RELA: variants seen among roughly 807,000 people sequenced by gnomAD.
RELA encodes transcription factor p65.
Under a neutral mutation model 56.7 loss-of-function variants are expected in RELA, and 14 were observed. That is an observed-to-expected ratio of 0.25 (90% CI 0.16 to 0.39). The LOEUF is 0.39. RELA is among the 10% of genes least tolerant of loss of function. The pLI is 1.00. For missense variants in RELA, 559 were observed against 736.4 expected (o/e 0.76, Z 2.79); for synonymous variants, 315 against 289.7 (o/e 1.09, Z -0.89).
At chr11:65,662,684 C>T in intron 1 of RELA, 142 bp downstream of exon 1, 1 of 596,348 alleles carries the variant, frequency 1.7e-6, no homozygotes, top group Non-Finnish European at 2.4e-6. Flanking sequence ...CCTGCCCCGC[C>T]CCGCGCCACC....
Position 65,661,758 on chromosome 11 carries a change from G to A in RELA, c.264C>T (p.His88=), listed in dbSNP as rs1226017832. The change falls in exon 4 of 11, where the codon CAC becomes CAT. Residue 88 remains histidine, a synonymous_variant. Transcript: ENST00000406246. ...CCCGGCAGTCCTTTCCTACAAGCTC[G>A]TGGGGGTGAGGCCGGTGAGGAGGGT... is the stretch of plus-strand genomic sequence containing the variant. ...TKDPPHRPHP[H]ELVGKDCRDG... The A allele has an allele frequency of 1.9e-5, 30 of 1,613,802 alleles. No homozygotes were observed. Among genetic ancestry groups the A allele is most frequent in the Non-Finnish European group, 2.4e-5 (28 of 1,179,944 alleles).
chr11:65,655,461 T>A, intron 10 of RELA: 2 of 592,692 alleles, frequency 3.4e-6, no homozygotes, highest in Non-Finnish European at 6.0e-6. Flanking sequence ...GATTCTGCAT[T>A]TTTAACTTCT....
At chr11:65,660,840 C>T (rs1856545649) in intron 4 of RELA, 1 of 152,606 alleles carries the variant, frequency 6.6e-6, no homozygotes, top group Admixed American at 6.6e-5. Context: ...AGATTGAGAC[C>T]ATCCTGGCTA....
Position 65,654,138 on chromosome 11 carries a change from G to C in RELA, c.*240C>G, listed in dbSNP as rs780251171. The C allele has an allele frequency of 7.7e-4, 451 of 585,590 alleles. 3 individuals carry two copies. Among genetic ancestry groups the C allele is most frequent in the Middle Eastern group, 1.4e-3 (3 of 2,114 alleles). The allele number at this position is 585,590 out of a possible 1,614,324, so 36.3% of individuals were successfully genotyped here. ...AGCTGACCATCAGGACAGGGGAAAAGTTTGAGTTTCCCCAGCTCCCCCCTT... is the reference window on the plus strand; with the variant it reads ...AGCTGACCATCAGGACAGGGGAAAACTTTGAGTTTCCCCAGCTCCCCCCTT... On this transcript the variant is annotated 3_prime_UTR_variant, in exon 11 of 11. Coordinates refer to ENST00000406246, the MANE Select transcript of RELA (RefSeq NM_021975.4).
chr11:65,661,848 C>T lies in RELA; in HGVS notation c.187-13G>A, dbSNP rs1387199873. 1 of 1,604,730 alleles carries T rather than the reference C, an allele frequency of 6.2e-7. No individual in the cohort carries two copies. The highest frequency in any genetic ancestry group is 8.5e-7 in the Non-Finnish European group (1 of 1,173,838). On this transcript the variant is annotated splice_polypyrimidine_tract_variant and intron_variant, in intron 3 of 10. Transcript: ENST00000406246. ...TGTAGCCATTGATCTGTCCAAAGTACAGAGGCCCAGACATCCAAACCTGAC... is the reference window on the plus strand; with the variant it reads ...TGTAGCCATTGATCTGTCCAAAGTATAGAGGCCCAGACATCCAAACCTGAC...
chr11:65,657,693 C>A (rs1856464698), intron 8 of RELA, among the ~76,000 whole-genome samples: 1 of 152,242 alleles, frequency 6.6e-6, no homozygotes, highest in African/African-American at 2.4e-5. Context: ...TCCCCGGAGG[C>A]CACTGTGCCC....
chr11:65,654,596 G>C lies in RELA; in HGVS notation c.1438C>G (p.Gln480Glu). The change falls in exon 11 of 11, where the codon CAG becomes GAG. Residue 480 changes from glutamine to glutamate, a missense_variant. Around this residue, in one of 4 missense-constraint regions of RELA, gnomAD observed 365 missense variants for 387.5 expected, o/e 0.94. Coordinates refer to ENST00000406246, the MANE Select transcript of RELA (RefSeq NM_021975.4). ...GTGTGGGGGGCCACAGGTATGCCCT[G>C]GTTCAGCAGCTGCTGAAACTCGGAG... ...DNSEFQQLLN[Q>E]GIPVAPHTTE... 1 of 1,613,320 alleles carries C rather than the reference G, an allele frequency of 6.2e-7. No homozygotes were observed. Among genetic ancestry groups the C allele is most frequent in the Non-Finnish European group, 8.5e-7 (1 of 1,179,728 alleles).
In RELA at chr11:65,654,354, C is replaced by G; in HGVS notation, c.*24G>C. On this transcript the variant is annotated 3_prime_UTR_variant, in exon 11 of 11. Transcript: ENST00000406246. Reference sequence around the variant, plus strand: ...CTTCAATCCCCTGCAACCCAGTGCTCTGGGGAGGGCAGGCGTCACCCCCTT... The same window carrying G: ...CTTCAATCCCCTGCAACCCAGTGCTGTGGGGAGGGCAGGCGTCACCCCCTT... 1 of 1,613,812 alleles carries G rather than the reference C, an allele frequency of 6.2e-7. No homozygotes were observed. Among genetic ancestry groups the G allele is most frequent in the Non-Finnish European group, 8.5e-7 (1 of 1,179,992 alleles).
Position 65,658,629 on chromosome 11 carries a change from G to T in RELA, c.664+89C>A. On this transcript the variant is annotated intron_variant, in intron 7 of 10. Transcript: ENST00000406246. The surrounding 1 kb of genome is among the most constrained non-coding windows in gnomAD (Gnocchi z 4.5). ...TGAGGCCCCCGAGGCACAGGAGGAA[G>T]TATCCAAAGCCAGTTACCTGACACT... 3 of 1,417,368 alleles carry T rather than the reference G, an allele frequency of 2.1e-6. No individual in the cohort carries two copies. The highest frequency in any genetic ancestry group is 3.0e-6 in the Non-Finnish European group (3 of 1,006,260). The allele number at this position is 1,417,368 out of a possible 1,614,324, so 87.8% of individuals were successfully genotyped here.
Position 65,659,810 on chromosome 11 carries a change from C to T in RELA, c.428-13G>A. Reference sequence around the variant, plus strand: ...TCTTCTATAGGAACTGCCAAGAAAACAGGCGATCAGGAGAGCAGGGGAAGT... The same window carrying T: ...TCTTCTATAGGAACTGCCAAGAAAATAGGCGATCAGGAGAGCAGGGGAAGT... On this transcript the variant is annotated splice_polypyrimidine_tract_variant and intron_variant, in intron 5 of 10. Transcript: ENST00000406246. 1.2e-6 allele frequency: 2 copies of T among 1,605,560 alleles called. No individual in the cohort carries two copies. Among genetic ancestry groups the T allele is most frequent in the Non-Finnish European group, 1.7e-6 (2 of 1,175,606 alleles).
rs1410179448 is a variant in RELA, at chr11:65,662,909, G to A, written c.-77C>T. 1 of 1,119,590 alleles carries A rather than the reference G, an allele frequency of 8.9e-7. No homozygotes were observed. The highest frequency in any genetic ancestry group is 1.1e-6 in the Non-Finnish European group (1 of 900,312). 69.4% of individuals were successfully genotyped at this position (1,119,590 alleles called of 1,614,324 possible). The stretch of plus-strand genomic sequence containing the variant: ...ACTACAGACGAGCCATTCGCCAGAG[G>A]CGGAAATGCGCCGCGCGGCCCGCCG... On this transcript the variant is annotated 5_prime_UTR_variant, in exon 1 of 11. Coordinates refer to ENST00000406246, the MANE Select transcript of RELA (RefSeq NM_021975.4).
At chr11:65,662,227 G>A in intron 1 of RELA, 22 bp from the exon 2 acceptor site, 1 of 1,545,874 alleles carries the variant, frequency 6.5e-7, no homozygotes. Flanking sequence ...GGGAGATCAG[G>A]GTCAGCACAC....
At chr11:65,660,493 T>TGGACACTCATTCCCA (rs2135566830) in intron 4 of RELA, 2 of 491,390 alleles carry the variant, frequency 4.1e-6, no homozygotes, top group Admixed American at 7.2e-5. Context: ...CATTCCCACC[T>TGGACACTCATTCCCA]CAAGGCCTTT....
At chr11:65,657,004 C>T (rs1166339511) in intron 8 of RELA, among the ~76,000 whole-genome samples, 2 of 148,068 alleles carry the variant, frequency 1.4e-5, no homozygotes, top group East Asian at 2.0e-4. Context: ...CCAGCCTGGG[C>T]GACAAGAGTG....
chr11:65,660,475 A>AGAACACTCATTCCCACCT, intron 4 of RELA: 1 of 520,294 alleles, frequency 1.9e-6, no homozygotes, highest in East Asian at 3.3e-5. Context: ...CTCTAAACAC[A>AGAACACTCATTCCCACCT]GGACACTCAT....
Position 65,654,577 on chromosome 11 carries a change from G to C in RELA, c.1457C>G (p.Pro486Arg). 3.1e-6 allele frequency: 5 copies of C among 1,613,564 alleles called. No homozygotes were observed. Among genetic ancestry groups the C allele is most frequent in the Non-Finnish European group, 4.2e-6 (5 of 1,179,780 alleles). ...QLLNQGIPVA[P>R]HTTEPMLMEY... ...CATCAGCATGGGCTCAGTTGTGTGGGGGGCCACAGGTATGCCCTGGTTCAG... is the reference window on the plus strand; with the variant it reads ...CATCAGCATGGGCTCAGTTGTGTGGCGGGCCACAGGTATGCCCTGGTTCAG... The change falls in exon 11 of 11, where the codon CCC becomes CGC. Residue 486 changes from proline to arginine, a missense_variant. By Grantham distance (103) the Pro-to-Arg change is moderately radical. Transcript: ENST00000406246.
At chr11:65,656,520 C>G (rs1856433027) in intron 8 of RELA, among the ~76,000 whole-genome samples, 1 of 152,172 alleles carries the variant, frequency 6.6e-6, no homozygotes, top group Non-Finnish European at 1.5e-5. Flanking sequence ...CGCCATCTGC[C>G]CTGTCACCAA....
At chr11:65,662,307 G>A (rs1209641146) in intron 1 of RELA, 102 bp from the exon 2 acceptor site, 22 of 1,378,600 alleles carry the variant, frequency 1.6e-5, no homozygotes, top group Non-Finnish European at 2.1e-5. Flanking sequence ...CCCTCCCAGG[G>A]GAACTGAGTC....
At chr11:65,655,068 C>T (rs1856387565) in intron 10 of RELA, 68 bp from the exon 11 acceptor site, 1 of 1,267,538 alleles carries the variant, frequency 7.9e-7, no homozygotes, top group Non-Finnish European at 1.1e-6. Context: ...CCTCTGTACC[C>T]CAGCCCCTCT....
Sources: allele counts gnomAD v4.1 joint callset (sites outside exome capture counted in the v4.1 genomes callset), GRCh38; gene constraint gnomAD v4.1.1; regional missense constraint gnomAD v4.1.1; non-coding constraint Gnocchi (gnomAD v3.1); transcripts MANE v1.5; gene names NCBI Gene and HGNC (gene_info 2026-07-23, HGNC 2026-07-21).